Variants in OCA2 observed in about 807,000 individuals in gnomAD.
OCA2 encodes the protein OCA2 melanosomal transmembrane protein.
In OCA2, 77 loss-of-function variants were observed where a neutral mutation model predicts 100.2. That is an observed-to-expected ratio of 0.77 (90% CI 0.64 to 0.93). OCA2 has a LOEUF of 0.93. OCA2 is among the 40% of genes least tolerant of loss of function. The probability of loss-of-function intolerance (pLI) is 0.00; values close to 1 mark genes in which losing one functional copy is unlikely to be tolerated. For synonymous variants in OCA2, 432 were observed against 439.2 expected, an observed-to-expected ratio of 0.98 and a Z score of 0.21; for missense variants, 1,062 against 1,089.1, an observed-to-expected ratio of 0.98 and a Z score of 0.35.
chr15:27,797,760 G>A lies in OCA2; in HGVS notation c.2433-42288C>T, dbSNP rs530846221. 2.0e-5 allele frequency among the ~76,000 whole-genome samples: 3 copies of A among 152,296 alleles called. No homozygotes were observed. The East Asian group carries it at 5.8e-4, about 29-fold the overall frequency. On this transcript the variant is annotated intron_variant, in intron 23 of 23. Coordinates refer to ENST00000354638, the MANE Select transcript of OCA2 (RefSeq NM_000275.3). The stretch of plus-strand genomic sequence containing the variant: ...CCAGGTTCACTAAGATGCACCCAAG[G>A]AGGATGAGCTGCAGAGAGACTGGAG...
At chr15:28,002,206 G>A (rs887599903) in intron 9 of OCA2, among the ~76,000 whole-genome samples, 3 of 152,194 alleles carry the variant, frequency 2.0e-5, no homozygotes, top group Admixed American at 1.3e-4. Context: ...GGTGTCCCCC[G>A]GGATACCAAG....
At chr15:28,081,085 G>A (rs1005358933) in intron 2 of OCA2, among the ~76,000 whole-genome samples, 1 of 152,030 alleles carries the variant, frequency 6.6e-6, no homozygotes, top group African/African-American at 2.4e-5. Flanking sequence ...GGAACACTCG[G>A]ACCACACAGG....
chr15:27,938,006 T>C (rs1023224707), intron 18 of OCA2, among the ~76,000 whole-genome samples: 18 of 152,210 alleles, frequency 1.2e-4, no homozygotes, highest in African/African-American at 3.9e-4. Flanking sequence ...AAGAAAATGA[T>C]GGGCCAGCTT....
At chr15:28,050,256 G>A (rs2043468456) in intron 2 of OCA2, among the ~76,000 whole-genome samples, 1 of 152,110 alleles carries the variant, frequency 6.6e-6, no homozygotes. Context: ...TTGCACTCCA[G>A]TCTGGGCAAC....
chr15:27,961,399 C>A (rs2140758179), intron 15 of OCA2, among the ~76,000 whole-genome samples: 1 of 152,302 alleles, frequency 6.6e-6, no homozygotes, highest in Non-Finnish European at 1.5e-5. Flanking sequence ...GGCGGTTCCT[C>A]AAGGATCTAG....
In OCA2 at chr15:28,051,916, AACAT is replaced by A. The variant is rs377159687; in HGVS notation, c.228-19757_228-19754del. Reference sequence around the variant, plus strand: ...CACACTATTCTGCAAAAAAATCAGGAACATACATTCATCATGAGAAGAAAGCCAG... The same window carrying A: ...CACACTATTCTGCAAAAAAATCAGGAACATTCATCATGAGAAGAAAGCCAG... On this transcript the variant is annotated intron_variant, in intron 2 of 23. Coordinates refer to ENST00000354638, the MANE Select transcript of OCA2 (RefSeq NM_000275.3). Among the ~76,000 whole-genome samples the A allele has an allele frequency of 4.6e-4, 70 of 152,150 alleles. No individual in the cohort carries two copies. The East Asian group carries it at 8.9e-3, about 19-fold the overall frequency.
intron 21 of OCA2, among the ~76,000 whole-genome samples, chr15:27,870,133 A>G (rs1313503226): frequency 1.3e-5 from 2 of 152,206 alleles, no homozygotes; most frequent in Admixed American, 1.3e-4. Flanking sequence ...CTCCCCACAC[A>G]GCCAGGCCTG....
chr15:27,970,339 C>T (rs1373677907), intron 14 of OCA2, among the ~76,000 whole-genome samples: 1 of 152,030 alleles, frequency 6.6e-6, no homozygotes, highest in African/African-American at 2.4e-5. Flanking sequence ...GCCAGAGAGG[C>T]AGAGCAGGGC....
chr15:27,777,453 G>GA (rs1379930297), intron 23 of OCA2, among the ~76,000 whole-genome samples: 1 of 152,046 alleles, frequency 6.6e-6, no homozygotes, highest in Non-Finnish European at 1.5e-5. Context: ...TCTCTAGCTG[G>GA]AAAAATGCAC....
chr15:27,957,021 T>A lies in OCA2; in HGVS notation c.1784+567A>T, dbSNP rs2140693777. Among the ~76,000 whole-genome samples the A allele has an allele frequency of 6.6e-6, 1 of 152,370 alleles. No individual in the cohort carries two copies. The highest frequency in any genetic ancestry group is 2.4e-5 in the African/African-American group (1 of 41,590). On this transcript the variant is annotated intron_variant, in intron 16 of 23. Coordinates refer to ENST00000354638, the MANE Select transcript of OCA2 (RefSeq NM_000275.3). The surrounding 1 kb of genome is among the most constrained non-coding windows in gnomAD (Gnocchi z 4.3). ...CCTTGGGGGGCCACCAGGCTCCTGCTTCTTCTGTCTGAGCTTCCAGAACAA... is the reference window on the plus strand; with the variant it reads ...CCTTGGGGGGCCACCAGGCTCCTGCATCTTCTGTCTGAGCTTCCAGAACAA...
chr15:28,025,035 AG>A, intron 4 of OCA2, 133 bp from the exon 5 acceptor site: 1 of 825,158 alleles, frequency 1.2e-6, no homozygotes. Flanking sequence ...ACATGATATG[AG>A]GGAGAACACC....
At chr15:27,925,378 T>C (rs2039007201) in intron 19 of OCA2, among the ~76,000 whole-genome samples, 1 of 152,192 alleles carries the variant, frequency 6.6e-6, no homozygotes, top group African/African-American at 2.4e-5. Context: ...GTGCAATGTA[T>C]GTCCTGTGAC....
chr15:27,978,424 T>C (rs2041037564), intron 14 of OCA2, among the ~76,000 whole-genome samples: 1 of 152,220 alleles, frequency 6.6e-6, no homozygotes, highest in African/African-American at 2.4e-5. Flanking sequence ...GATTTATCTA[T>C]TCCTCCTGCA....
At chr15:27,784,302 C>T (rs1428562907) in intron 23 of OCA2, among the ~76,000 whole-genome samples, 1 of 152,190 alleles carries the variant, frequency 6.6e-6, no homozygotes, top group East Asian at 1.9e-4. Flanking sequence ...GGTTAGGGTG[C>T]ATTGAGGGTA....
intron 11 of OCA2, 86 bp from the exon 12 acceptor site, chr15:27,986,729 G>A: frequency 1.1e-6 from 1 of 917,398 alleles, no homozygotes; most frequent in Non-Finnish European, 1.8e-6. Context: ...ACACATTTGA[G>A]CTCTGGCCTC....
At chr15:27,875,233 C>T (rs1050228144) in intron 19 of OCA2, among the ~76,000 whole-genome samples, 7 of 152,142 alleles carry the variant, frequency 4.6e-5, no homozygotes, top group Admixed American at 6.5e-5. Flanking sequence ...TGATTCACCA[C>T]CATTTGTTGA....
intron 19 of OCA2, among the ~76,000 whole-genome samples, chr15:27,876,659 AT>A (rs2036804387): frequency 6.6e-6 from 1 of 151,932 alleles, no homozygotes. Flanking sequence ...AAACGAGTCT[AT>A]TTTGGTAAGT....
At chr15:27,906,186 T>C (rs751176854) in intron 19 of OCA2, among the ~76,000 whole-genome samples, 3 of 152,240 alleles carry the variant, frequency 2.0e-5, no homozygotes, top group Non-Finnish European at 2.9e-5. Flanking sequence ...ACTTGGAATG[T>C]TCCCAAAACA....
intron 18 of OCA2, among the ~76,000 whole-genome samples, chr15:27,947,249 C>T (rs2039871208): frequency 6.6e-6 from 1 of 152,344 alleles, no homozygotes; most frequent in African/African-American, 2.4e-5. Context: ...AAGGGGAAAG[C>T]TCTCCCTTGG....
Sources: allele counts gnomAD v4.1 joint callset (sites outside exome capture counted in the v4.1 genomes callset), GRCh38; gene constraint gnomAD v4.1.1; non-coding constraint Gnocchi (gnomAD v3.1); transcripts MANE v1.5; gene names NCBI Gene and HGNC (gene_info 2026-07-23, HGNC 2026-07-21).